PLD1: variants seen among roughly 807,000 people sequenced by gnomAD.
The protein encoded by PLD1 is phospholipase D1, also known as choline phosphatase 1.
PLD1 carries 112 observed loss-of-function variants against 137.1 expected under a neutral mutation model. The ratio of observed to expected loss-of-function variants is 0.82; its 90% CI spans 0.70 to 0.96. The LOEUF is 0.96. Ranked by LOEUF, PLD1 falls within the 40% of genes least tolerant of loss-of-function variation. The pLI is 0.00. For synonymous variants in PLD1, 431 were observed against 454.7 expected, an observed-to-expected ratio of 0.95 and a Z score of 0.66; for missense variants, 1,321 against 1,342.0, an observed-to-expected ratio of 0.98 and a Z score of 0.24.
chr3:171,685,628 A>C (rs1714469323), intron 16 of PLD1, among the ~76,000 whole-genome samples: 1 of 152,204 alleles, frequency 6.6e-6, no homozygotes, highest in Admixed American at 6.5e-5. Flanking sequence ...TTATGATCTT[A>C]CTAGTGTCAT....
rs542445510 is a variant in PLD1, at chr3:171,609,135, A to C, written c.2882+3144T>G. Among the ~76,000 whole-genome samples the C allele has an allele frequency of 8.5e-5, 13 of 152,320 alleles. No homozygotes were observed. In the East Asian group the frequency reaches 2.3e-3, roughly 27 times the overall value. The stretch of plus-strand genomic sequence containing the variant: ...ACACAAGCAGCCAACAAACATAAAA[A>C]AATGCTGAACATCATTAATTATCAG... On this transcript the variant is annotated intron_variant, in intron 25 of 26. Transcript: ENST00000351298.
intron 25 of PLD1, among the ~76,000 whole-genome samples, chr3:171,608,282 T>C (rs1323179231): frequency 6.6e-6 from 1 of 152,210 alleles, no homozygotes; most frequent in African/African-American, 2.4e-5. Context: ...AAAATATTCA[T>C]ATAAATTGAA....
intron 9 of PLD1, among the ~76,000 whole-genome samples, chr3:171,710,000 G>A (rs1717029355): frequency 6.6e-6 from 1 of 152,198 alleles, no homozygotes; most frequent in African/African-American, 2.4e-5. Flanking sequence ...GGTAAGGTGA[G>A]GTTCTATTTT....
intron 11 of PLD1, among the ~76,000 whole-genome samples, chr3:171,707,298 G>A (rs1716769434): frequency 6.6e-6 from 1 of 152,122 alleles, no homozygotes; most frequent in Non-Finnish European, 1.5e-5. Flanking sequence ...TTGTACCCCT[G>A]AATTTAAAAG....
At chr3:171,702,380 C>CG (rs984099799) in intron 11 of PLD1, among the ~76,000 whole-genome samples, 5 of 151,146 alleles carry the variant, frequency 3.3e-5, no homozygotes, top group Non-Finnish European at 7.4e-5. Flanking sequence ...TCCAGCTACT[C>CG]GGGGGGCTGA....
rs79107277 is a variant in PLD1 at position 171,730,425 on chromosome 3, A to G, written c.606+3019T>C. 1.1e-4 allele frequency among the ~76,000 whole-genome samples: 17 copies of G among 152,236 alleles called. No homozygotes were observed. The East Asian group carries it at 3.3e-3, about 29-fold the overall frequency. On this transcript the variant is annotated intron_variant, in intron 6 of 26. Transcript: ENST00000351298. ...CTTTGCAGAACCACAAGAAGGAAAA[A>G]AAAAAAAAGAATTAAAAGCAGAGGA...
Position 171,620,494 on chromosome 3 carries a change from A to G in PLD1, c.2620T>C (p.Ser874Pro). 5 of 1,592,564 alleles carry G rather than the reference A, an allele frequency of 3.1e-6. No homozygotes were observed. The highest frequency in any genetic ancestry group is 4.3e-6 in the Non-Finnish European group (5 of 1,162,334). Residue 874 changes from serine (S) to proline (P), a missense_variant, in exon 24 of 27, where the codon TCA becomes CCA. Ser to Pro is a moderately conservative substitution (Grantham distance 74). Transcript: ENST00000351298. ...GCATGTGTTCTAAGACCACAGAATG[A>G]TATGTAATTTATCCACTGATTACCA... ...ELGNQWINYI[S>P]FCGLRTHAEL...
At chr3:171,663,834 A>G (rs924502389) in intron 19 of PLD1, among the ~76,000 whole-genome samples, 1 of 152,244 alleles carries the variant, frequency 6.6e-6, no homozygotes, top group East Asian at 1.9e-4. Flanking sequence ...TATTGAAAAT[A>G]AAAAGAATGC....
chr3:171,625,086 T>C (rs142978122), intron 23 of PLD1, among the ~76,000 whole-genome samples: 41 of 150,898 alleles, frequency 2.7e-4, no homozygotes, highest in African/African-American at 9.7e-4. Flanking sequence ...ACCCTGAGAG[T>C]TCCCCTTCCT....
chr3:171,641,224 G>A (rs1221162645), intron 23 of PLD1, among the ~76,000 whole-genome samples: 2 of 152,138 alleles, frequency 1.3e-5, no homozygotes, highest in South Asian at 2.1e-4. Flanking sequence ...ATGCCACAAA[G>A]CTTGCTATTC....
Position 171,674,549 on chromosome 3 carries a change from G to A in PLD1, c.2180C>T (p.Ala727Val), listed in dbSNP as rs191802678. The change falls in exon 19 of 27, where the codon GCC becomes GTC. Residue 727 changes from alanine to valine, a missense_variant. Transcript: ENST00000351298. ...PFLLPKSQTT[A>V]HELRYQVPGS... ...AGGCACTTGATATCTCAACTCATGG[G>A]CTGTTGTTTGAGACTTTGGAAGCAG... 8.7e-6 allele frequency: 14 copies of A among 1,611,120 alleles called. No homozygotes were observed. In the East Asian group the frequency reaches 2.5e-4, roughly 28 times the overall value.
At chr3:171,692,536 T>C (rs1004060339) in intron 12 of PLD1, 94 bp from the exon 13 acceptor site, 9 of 696,236 alleles carry the variant, frequency 1.3e-5, no homozygotes, top group Non-Finnish European at 2.0e-5. Flanking sequence ...TTCTTTCTTT[T>C]TTTTTTCAGA....
chr3:171,809,431 T>C (rs1006833591), intron 1 of PLD1: 2 of 152,232 alleles, frequency 1.3e-5, no homozygotes, highest in Non-Finnish European at 2.9e-5. Flanking sequence ...CAGAGGTCTC[T>C]GGGTACCTAG....
At chr3:171,712,492 T>C (rs1363590616) in intron 9 of PLD1, among the ~76,000 whole-genome samples, 1 of 151,924 alleles carries the variant, frequency 6.6e-6, no homozygotes, top group African/African-American at 2.4e-5. Flanking sequence ...ATTCCAAACA[T>C]GGACATAAGA....
At chr3:171,628,478 A>C in intron 23 of PLD1, among the ~76,000 whole-genome samples, 1 of 152,048 alleles carries the variant, frequency 6.6e-6, no homozygotes, top group African/African-American at 2.4e-5. Context: ...TCCAATCAAT[A>C]GAAAAAGAGG....
At chr3:171,730,023 AT>A (rs1718812291) in intron 6 of PLD1, among the ~76,000 whole-genome samples, 1 of 152,194 alleles carries the variant, frequency 6.6e-6, no homozygotes, top group South Asian at 2.1e-4. Context: ...TCTCTTGGAA[AT>A]TGTACAATTT....
At chr3:171,605,242 C>A in intron 26 of PLD1, 57 bp downstream of exon 26, 1 of 984,770 alleles carries the variant, frequency 1.0e-6, no homozygotes, top group Non-Finnish European at 1.7e-6. Context: ...TAACAATATG[C>A]TTTTTGTGAT....
At chr3:171,739,906 A>C (rs1431499272) in intron 1 of PLD1, among the ~76,000 whole-genome samples, 1 of 152,162 alleles carries the variant, frequency 6.6e-6, no homozygotes, top group Non-Finnish European at 1.5e-5. Flanking sequence ...AGTGCTTTGG[A>C]ATAGATGGAA....
chr3:171,690,155 A>G (rs1715006337), intron 13 of PLD1, among the ~76,000 whole-genome samples: 1 of 152,076 alleles, frequency 6.6e-6, no homozygotes, highest in South Asian at 2.1e-4. Context: ...AGGTTATCGA[A>G]TTGCTTACAG....
Sources: allele counts gnomAD v4.1 joint callset (sites outside exome capture counted in the v4.1 genomes callset), GRCh38; gene constraint gnomAD v4.1.1; transcripts MANE v1.5; gene names NCBI Gene and HGNC (gene_info 2026-07-23, HGNC 2026-07-21).